The following THUMPD2 variants were observed in gnomAD, a reference collection of about 807,000 sequenced individuals.
THUMPD2 encodes the protein U6 snRNA (guanine-N(2))-methyltransferase THUMPD2.
Under a neutral mutation model 49.4 loss-of-function variants are expected in THUMPD2, and 56 were observed. The observed-to-expected ratio is 1.13, with a 90% CI of 0.91 to 1.41. The LOEUF is 1.41. Among genes scored for constraint, THUMPD2 ranks in the 40% most tolerant of loss-of-function variants. The probability of loss-of-function intolerance (pLI) is 0.00; values close to 1 mark genes in which losing one functional copy is unlikely to be tolerated. For synonymous variants in THUMPD2, 237 were observed against 205.2 expected, an observed-to-expected ratio of 1.15 and a Z score of -1.32; for missense variants, 709 against 594.5, an observed-to-expected ratio of 1.19 and a Z score of -2.00.
At chr2:39,741,267 A>T (rs1303430379) in intron 9 of THUMPD2, among the ~76,000 whole-genome samples, 1 of 152,222 alleles carries the variant, frequency 6.6e-6, no homozygotes, top group Admixed American at 6.5e-5. Flanking sequence ...TCCATGGAAC[A>T]CATTAAGTCT....
chr2:39,739,504 C>T (rs1673613528), intron 9 of THUMPD2, among the ~76,000 whole-genome samples: 1 of 152,316 alleles, frequency 6.6e-6, no homozygotes, highest in Non-Finnish European at 1.5e-5. Context: ...TTATGTCCAT[C>T]ACAGTACCAG....
intron 8 of THUMPD2, among the ~76,000 whole-genome samples, chr2:39,748,173 G>C: frequency 6.6e-6 from 1 of 152,164 alleles, no homozygotes. Flanking sequence ...TTTGATTATA[G>C]ATTTCCAGTA....
intron 6 of THUMPD2, among the ~76,000 whole-genome samples, chr2:39,760,454 T>G (rs1676676549): frequency 6.6e-6 from 1 of 152,188 alleles, no homozygotes; most frequent in Non-Finnish European, 1.5e-5. Flanking sequence ...ATGAAATGAT[T>G]AGCAAGTAAC....
intron 3 of THUMPD2, 65 bp from the exon 4 acceptor site, chr2:39,768,566 A>C: frequency 7.7e-7 from 1 of 1,300,188 alleles, no homozygotes; most frequent in Non-Finnish European, 1.1e-6. Context: ...AAATGTCAGC[A>C]AAACTAACAG....
At chr2:39,763,646 CCTT>C (rs1394146129) in intron 5 of THUMPD2, among the ~76,000 whole-genome samples, 1 of 152,134 alleles carries the variant, frequency 6.6e-6, no homozygotes, top group East Asian at 1.9e-4. Flanking sequence ...TAAATCCTCT[CCTT>C]CTCTCTTTTT....
At chr2:39,770,180 A>C in intron 2 of THUMPD2, 61 bp from the exon 3 acceptor site, 1 of 1,188,262 alleles carries the variant, frequency 8.4e-7, no homozygotes, top group Admixed American at 3.4e-5. Context: ...TATTACAATC[A>C]TCACCCTCAA....
chr2:39,746,875 G>A (rs187606322), intron 8 of THUMPD2, among the ~76,000 whole-genome samples: 3 of 150,804 alleles, frequency 2.0e-5, no homozygotes, highest in African/African-American at 7.4e-5. Flanking sequence ...TCCTATTTTT[G>A]TTCCTTGTTC....
intron 9 of THUMPD2, among the ~76,000 whole-genome samples, chr2:39,738,176 A>G (rs1395940793): frequency 4.6e-5 from 7 of 152,238 alleles, no homozygotes; most frequent in African/African-American, 7.2e-5. Flanking sequence ...GAGAAGACCC[A>G]TGAAGTAGAC....
chr2:39,759,607 G>A (rs1335520068), intron 6 of THUMPD2, among the ~76,000 whole-genome samples: 2 of 152,044 alleles, frequency 1.3e-5, no homozygotes, highest in Non-Finnish European at 2.9e-5. Flanking sequence ...GCATGTTCTG[G>A]TGACATTCCT....
intron 6 of THUMPD2, chr2:39,757,317 G>A: frequency 1.3e-5 from 14 of 1,102,638 alleles, no homozygotes; most frequent in Non-Finnish European, 1.7e-5. Flanking sequence ...TGTCTACAGA[G>A]GAAGCAGAGT....
chr2:39,772,153 G>A (rs1678416487), intron 1 of THUMPD2, among the ~76,000 whole-genome samples: 1 of 152,172 alleles, frequency 6.6e-6, no homozygotes, highest in African/African-American at 2.4e-5. Flanking sequence ...TGTAAGATTT[G>A]AGAAGAAGGA....
chr2:39,765,538 TA>T (rs1553369458), intron 5 of THUMPD2, among the ~76,000 whole-genome samples: 4 of 152,174 alleles, frequency 2.6e-5, no homozygotes, highest in African/African-American at 2.4e-5. Flanking sequence ...TTTATAAATT[TA>T]AAAAAATATA....
intron 1 of THUMPD2, among the ~76,000 whole-genome samples, chr2:39,773,927 G>A (rs1406246043): frequency 6.6e-6 from 1 of 152,092 alleles, no homozygotes; most frequent in Non-Finnish European, 1.5e-5. Flanking sequence ...ACACTGTTTC[G>A]TTCAACATGG....
chr2:39,771,425 G>A (rs1678296664), intron 2 of THUMPD2, 80 bp downstream of exon 2: 1 of 1,395,462 alleles, frequency 7.2e-7, no homozygotes, highest in South Asian at 1.5e-5. Context: ...GTGTAAAATG[G>A]CTACATATTA....
At chr2:39,742,102 G>C (rs2148176604) in intron 9 of THUMPD2, among the ~76,000 whole-genome samples, 1 of 152,172 alleles carries the variant, frequency 6.6e-6, no homozygotes, top group South Asian at 2.1e-4. Flanking sequence ...TTAAGTAATA[G>C]AGCCAAGAGT....
intron 6 of THUMPD2, among the ~76,000 whole-genome samples, chr2:39,759,028 T>G (rs1360263706): frequency 1.3e-5 from 2 of 152,126 alleles, no homozygotes; most frequent in African/African-American, 4.8e-5. Context: ...CTGTGACTCT[T>G]GTAATTTGGA....
intron 3 of THUMPD2, 124 bp from the exon 4 acceptor site, chr2:39,768,625 T>A: frequency 1.2e-6 from 1 of 822,452 alleles, no homozygotes; most frequent in Non-Finnish European, 1.9e-6. Context: ...TAATTTAGAG[T>A]TCTGATATTA....
At chr2:39,745,581 C>T (rs962262) in intron 8 of THUMPD2, among the ~76,000 whole-genome samples, 63,148 of 151,942 alleles carry the variant, frequency 0.42, 14,261 homozygotes, top group East Asian at 0.74. Flanking sequence ...TATGAGGAAG[C>T]ATGTAGTAAT....
intron 9 of THUMPD2, among the ~76,000 whole-genome samples, chr2:39,742,882 T>G (rs1193461276): frequency 6.6e-6 from 1 of 152,110 alleles, no homozygotes; most frequent in Non-Finnish European, 1.5e-5. Flanking sequence ...CTGCTCAAGG[T>G]GAATGTGATA....
Sources: gnomAD v4.1 joint callset for allele counts (sites outside exome capture counted in the v4.1 genomes callset) on GRCh38, gnomAD v4.1.1 for gene constraint, MANE v1.5 for transcripts, NCBI Gene and HGNC (gene_info 2026-07-23, HGNC 2026-07-21) for gene names.